NYAP2: variants seen among roughly 807,000 people sequenced by gnomAD.
The protein encoded by NYAP2 is neuronal tyrosine-phosphorylated phosphoinositide-3-kinase adaptor 2.
A neutral mutation model predicts 50.4 loss-of-function variants in NYAP2; 23 were observed. The observed-to-expected ratio is 0.46, with a 90% confidence interval of 0.33 to 0.65. The LOEUF (loss-of-function observed/expected upper bound fraction) is 0.65. NYAP2 is among the 30% of genes least tolerant of loss of function. The pLI is 0.02. For synonymous variants in NYAP2, 394 were observed against 365.2 expected, an observed-to-expected ratio of 1.08 and a Z score of -0.90; for missense variants, 885 against 861.0, an observed-to-expected ratio of 1.03 and a Z score of -0.35.
chr2:225,533,250 C>G (rs544545175), intron 4 of NYAP2, among the ~76,000 whole-genome samples: 1 of 152,318 alleles, frequency 6.6e-6, no homozygotes, highest in Admixed American at 6.5e-5. Flanking sequence ...AAAAATGTGG[C>G]TAACCAAACT....
intron 3 of NYAP2, among the ~76,000 whole-genome samples, chr2:225,462,648 T>C (rs1390031799): frequency 3.3e-5 from 5 of 152,142 alleles, no homozygotes; most frequent in African/African-American, 1.2e-4. Context: ...ATAAACCACA[T>C]TGAAATCCCT....
the NYAP2 span, among the ~76,000 whole-genome samples, chr2:225,671,034 C>T: frequency 1.3e-5 from 2 of 152,124 alleles, no homozygotes; most frequent in Admixed American, 1.3e-4. Context: ...GTGTTGATGG[C>T]TGCTGACTGA....
At chr2:225,480,423 G>T (rs1242182194) in intron 3 of NYAP2, among the ~76,000 whole-genome samples, 1 of 152,078 alleles carries the variant, frequency 6.6e-6, no homozygotes, top group Non-Finnish European at 1.5e-5. Context: ...AACCAAGTGG[G>T]TGAGTTTAAG....
chr2:225,512,657 C>A (rs1169716621), intron 3 of NYAP2, among the ~76,000 whole-genome samples: 1 of 145,008 alleles, frequency 6.9e-6, no homozygotes, highest in Non-Finnish European at 1.5e-5. Flanking sequence ...CCCTCCCTTC[C>A]TCCCATCTTT....
chr2:225,664,874 A>AAAAC, the NYAP2 span, among the ~76,000 whole-genome samples: 15 of 152,068 alleles, frequency 9.9e-5, no homozygotes, highest in South Asian at 8.3e-4. Flanking sequence ...GTCCATCTCA[A>AAAAC]AAACAAACAA....
intron 3 of NYAP2, among the ~76,000 whole-genome samples, chr2:225,444,997 C>G (rs1355422854): frequency 2.6e-5 from 4 of 152,130 alleles, no homozygotes; most frequent in African/African-American, 9.7e-5. Context: ...CTGTTACTGA[C>G]TTGGCTATGA....
the NYAP2 span, among the ~76,000 whole-genome samples, chr2:225,669,984 G>A: frequency 6.6e-6 from 1 of 152,094 alleles, no homozygotes; most frequent in African/African-American, 2.4e-5. Context: ...TTACATGAGG[G>A]GAAGATGAAG....
chr2:225,702,255 T>C, the NYAP2 span: 1 of 151,776 alleles, frequency 6.6e-6, no homozygotes, highest in Non-Finnish European at 1.5e-5. Context: ...TCACTACATC[T>C]TCCATGTATA....
intron 3 of NYAP2, among the ~76,000 whole-genome samples, chr2:225,428,492 T>C (rs1695318348): frequency 6.6e-6 from 1 of 152,252 alleles, no homozygotes; most frequent in Admixed American, 6.5e-5. Context: ...TACCCAGTTC[T>C]GCTGTTGTAG....
the NYAP2 span, among the ~76,000 whole-genome samples, chr2:225,679,118 G>T: frequency 1.3e-5 from 2 of 152,046 alleles, no homozygotes; most frequent in Non-Finnish European, 2.9e-5. Flanking sequence ...GGAAAATGTA[G>T]CTTAATAAGT....
At chr2:225,491,674 G>A (rs1055783038) in intron 3 of NYAP2, among the ~76,000 whole-genome samples, 1 of 152,126 alleles carries the variant, frequency 6.6e-6, no homozygotes, top group Admixed American at 6.5e-5. Context: ...GGCTGGACTG[G>A]GGGTCTTTAC....
intron 3 of NYAP2, among the ~76,000 whole-genome samples, chr2:225,507,218 CT>C (rs1690722924): frequency 6.6e-6 from 1 of 152,154 alleles, no homozygotes; most frequent in South Asian, 2.1e-4. Flanking sequence ...TTTCCCAGTG[CT>C]TAGCAAAGAA....
At chr2:225,664,749 G>T in the NYAP2 span, among the ~76,000 whole-genome samples, 1 of 151,986 alleles carries the variant, frequency 6.6e-6, no homozygotes, top group Non-Finnish European at 1.5e-5. Context: ...GGTGGCGGGC[G>T]CCTGTAGTTC....
intron 4 of NYAP2, among the ~76,000 whole-genome samples, chr2:225,530,063 A>T (rs990343298): frequency 6.6e-6 from 1 of 152,146 alleles, no homozygotes; most frequent in Admixed American, 6.5e-5. Flanking sequence ...CCATTTGATA[A>T]TATAAAGCGT....
intron 4 of NYAP2, among the ~76,000 whole-genome samples, chr2:225,556,154 T>C (rs1691773177): frequency 1.3e-5 from 2 of 152,168 alleles, no homozygotes; most frequent in African/African-American, 4.8e-5. Context: ...ATAGAAAATG[T>C]TACCATATTG....
At chr2:225,423,949 T>C (rs1293530599) in intron 3 of NYAP2, among the ~76,000 whole-genome samples, 3 of 152,164 alleles carry the variant, frequency 2.0e-5, no homozygotes, top group Admixed American at 2.0e-4. Context: ...TATGATCTTT[T>C]TATGAAATTT....
chr2:225,627,135 G>T lies in NYAP2; in HGVS notation c.1828+9G>T, dbSNP rs1693224785. On this transcript the variant is annotated intron_variant, in intron 6 of 6. Transcript: ENST00000636099. ...GGGAAACCACAGTTCAGGTAAGGCA[G>T]ATTATGATCTTCCAGAAGGTAATTC... 7 of 1,567,488 alleles carry T rather than the reference G, an allele frequency of 4.5e-6. No individual in the cohort carries two copies. The Admixed American group carries it at 1.3e-4, about 29-fold the overall frequency.
At chr2:225,660,293 T>A in the NYAP2 span, among the ~76,000 whole-genome samples, 1 of 152,158 alleles carries the variant, frequency 6.6e-6, no homozygotes, top group Non-Finnish European at 1.5e-5. Flanking sequence ...ACAGGTAGCA[T>A]TTCAGAACTG....
intron 3 of NYAP2, among the ~76,000 whole-genome samples, chr2:225,428,469 AC>A (rs948492242): frequency 2.0e-5 from 3 of 152,232 alleles, no homozygotes; most frequent in African/African-American, 4.8e-5. Flanking sequence ...GGGCATTTGT[AC>A]CATAAGGCAA....
Sources: allele counts gnomAD v4.1 joint callset (sites outside exome capture counted in the v4.1 genomes callset), GRCh38; gene constraint gnomAD v4.1.1; transcripts MANE v1.5; gene names NCBI Gene and HGNC (gene_info 2026-07-23, HGNC 2026-07-21).